Variants in LYPLAL1 observed in about 807,000 individuals in gnomAD.
The protein encoded by LYPLAL1 is lysophospholipase like 1, also known as lysophospholipase-like protein 1.
A neutral mutation model predicts 19.7 loss-of-function variants in LYPLAL1; 23 were observed. The observed-to-expected ratio is 1.17, with a 90% CI of 0.84 to 1.65. LYPLAL1 has a LOEUF of 1.65. Among genes scored for constraint, LYPLAL1 ranks in the 40% most tolerant of loss-of-function variants. The pLI, the probability that LYPLAL1 is intolerant of heterozygous loss-of-function variation, is 0.00. For missense variants in LYPLAL1, 355 were observed against 279.4 expected (o/e 1.27, Z -1.93); for synonymous variants, 119 against 96.3 (o/e 1.24, Z -1.38).
the LYPLAL1 span, among the ~76,000 whole-genome samples, chr1:219,229,255 GGGCTGAACTCCCATGGACAT>G: frequency 2.0e-5 from 3 of 150,462 alleles, no homozygotes; most frequent in African/African-American, 7.4e-5. Flanking sequence ...TCCCTGACTA[GGGCTGAACTCCCATGGACAT>G]AGGTGAGGAC....
intron 1 of LYPLAL1, among the ~76,000 whole-genome samples, chr1:219,174,561 C>T (rs1352591768): frequency 6.6e-6 from 1 of 152,160 alleles, no homozygotes; most frequent in Non-Finnish European, 1.5e-5. Context: ...TGTCATTAAA[C>T]TTCCAAGATA....
At chr1:219,325,454 C>T in the LYPLAL1 span, among the ~76,000 whole-genome samples, 543 of 152,262 alleles carry the variant, frequency 3.6e-3, 6 homozygotes, top group African/African-American at 0.012. Context: ...CCGTCCCTTT[C>T]TTGACTCATG....
the LYPLAL1 span, among the ~76,000 whole-genome samples, chr1:219,423,775 A>C: frequency 1.3e-5 from 2 of 152,122 alleles, no homozygotes; most frequent in African/African-American, 4.8e-5. Context: ...AGCATCACTC[A>C]GACACTATAC....
the LYPLAL1 span, among the ~76,000 whole-genome samples, chr1:219,257,134 G>A: frequency 7.2e-5 from 11 of 151,736 alleles, no homozygotes; most frequent in African/African-American, 2.2e-4. Flanking sequence ...TTTATCATTT[G>A]TAAAAAACTG....
chr1:219,231,193 C>T, the LYPLAL1 span, among the ~76,000 whole-genome samples: 5 of 151,976 alleles, frequency 3.3e-5, no homozygotes, highest in East Asian at 9.7e-4. Flanking sequence ...AGATGGAGGG[C>T]CGTGTGGGTG....
chr1:219,230,757 A>G, the LYPLAL1 span, among the ~76,000 whole-genome samples: 1 of 152,230 alleles, frequency 6.6e-6, no homozygotes, highest in Non-Finnish European at 1.5e-5. Context: ...TTTAAATTCA[A>G]AATGTTTGTT....
At chr1:219,312,596 A>T in the LYPLAL1 span, among the ~76,000 whole-genome samples, 2 of 152,174 alleles carry the variant, frequency 1.3e-5, no homozygotes, top group Non-Finnish European at 2.9e-5. Context: ...GTTCATCGGC[A>T]CAGCTTCAAG....
the LYPLAL1 span, among the ~76,000 whole-genome samples, chr1:219,440,002 T>TAC: frequency 9.8e-6 from 1 of 102,560 alleles, no homozygotes; most frequent in Admixed American, 1.1e-4. Context: ...CACACATATA[T>TAC]ATATATATAT....
the LYPLAL1 span, chr1:219,272,984 C>G: frequency 1.3e-5 from 2 of 151,988 alleles, no homozygotes; most frequent in African/African-American, 4.8e-5. Context: ...CTCTGAGAGG[C>G]CCTATAAATT....
chr1:219,397,542 A>T, the LYPLAL1 span, among the ~76,000 whole-genome samples: 2 of 152,106 alleles, frequency 1.3e-5, no homozygotes, highest in Non-Finnish European at 2.9e-5. Context: ...TTGGGGCATT[A>T]GCTTGTTTAC....
intron 2 of LYPLAL1, among the ~76,000 whole-genome samples, chr1:219,192,727 G>T (rs1657281763): frequency 6.6e-6 from 1 of 151,560 alleles, no homozygotes; most frequent in Admixed American, 6.6e-5. Flanking sequence ...GATGGTGTGT[G>T]TGCCTGTGCA....
the LYPLAL1 span, among the ~76,000 whole-genome samples, chr1:219,294,486 A>T: frequency 6.6e-6 from 1 of 152,172 alleles, no homozygotes; most frequent in South Asian, 2.1e-4. Flanking sequence ...CTGCTCCCTT[A>T]CTTATCTCTG....
At chr1:219,305,918 T>C in the LYPLAL1 span, among the ~76,000 whole-genome samples, 1 of 152,214 alleles carries the variant, frequency 6.6e-6, no homozygotes, top group Non-Finnish European at 1.5e-5. Flanking sequence ...TATTTTATGA[T>C]TTAACCCAGG....
chr1:219,294,776 G>C, the LYPLAL1 span, among the ~76,000 whole-genome samples: 1 of 152,184 alleles, frequency 6.6e-6, no homozygotes, highest in South Asian at 2.1e-4. Context: ...ATTAGAAAGT[G>C]CTCTTGGAAT....
the LYPLAL1 span, among the ~76,000 whole-genome samples, chr1:219,243,314 A>G: frequency 6.6e-6 from 1 of 152,146 alleles, no homozygotes; most frequent in African/African-American, 2.4e-5. Context: ...ACAATTAAGA[A>G]GGCCTGTGTC....
At chr1:219,237,391 G>A in the LYPLAL1 span, among the ~76,000 whole-genome samples, 1 of 152,170 alleles carries the variant, frequency 6.6e-6, no homozygotes, top group African/African-American at 2.4e-5. Context: ...GACTCTGTGT[G>A]TGGGAGAAAA....
At position 219,207,595 on chromosome 1, in the gene LYPLAL1, T is replaced by C. The variant is rs546251712; in HGVS notation, c.362-2937T>C. Among the ~76,000 whole-genome samples the C allele has an allele frequency of 3.9e-5, 6 of 152,178 alleles. No individual in the cohort carries two copies. The South Asian group carries it at 1.2e-3, about 32-fold the overall frequency. ...ATTTGTTTAATAAGTATAAGCACTT[T>C]CTGTGTGCCAGGCACTGTTGTAAGC... is the stretch of plus-strand genomic sequence containing the variant. On this transcript the variant is annotated intron_variant, in intron 3 of 4. Coordinates refer to ENST00000366928, the MANE Select transcript of LYPLAL1 (RefSeq NM_138794.5).
At chr1:219,410,852 C>T in the LYPLAL1 span, among the ~76,000 whole-genome samples, 15 of 152,362 alleles carry the variant, frequency 9.8e-5, no homozygotes, top group East Asian at 1.9e-4. Context: ...ACCGGCGCTG[C>T]GCTCGATTTC....
the LYPLAL1 span, among the ~76,000 whole-genome samples, chr1:219,359,556 C>T: frequency 6.6e-6 from 1 of 152,158 alleles, no homozygotes; most frequent in East Asian, 1.9e-4. Context: ...GCCCTCACCT[C>T]ATTTTATACT....
Sources: allele counts gnomAD v4.1 joint callset (sites outside exome capture counted in the v4.1 genomes callset), GRCh38; gene constraint gnomAD v4.1.1; transcripts MANE v1.5; gene names NCBI Gene and HGNC (gene_info 2026-07-23, HGNC 2026-07-21).